The following ZC3H3 variants were observed in gnomAD, a reference collection of about 807,000 sequenced individuals.
The protein encoded by ZC3H3 is zinc finger CCCH-type containing 3.
ZC3H3 carries 36 observed loss-of-function variants against 77.3 expected under a neutral mutation model. That is an observed-to-expected ratio of 0.47 (90% CI 0.36 to 0.61). The LOEUF (loss-of-function observed/expected upper bound fraction) is 0.61. Among genes scored for constraint, ZC3H3 ranks in the 20% least tolerant of loss-of-function variants. The pLI, the probability that ZC3H3 is intolerant of heterozygous loss-of-function variation, is 0.00. For missense variants in ZC3H3, 1,331 were observed against 1,312.2 expected (o/e 1.01, Z -0.22); for synonymous variants, 626 against 555.2 (o/e 1.13, Z -1.79).
At chr8:143,497,838 G>T (rs1275736806) in intron 4 of ZC3H3, among the ~76,000 whole-genome samples, 2 of 152,214 alleles carry the variant, frequency 1.3e-5, no homozygotes, top group African/African-American at 4.8e-5. Context: ...GCCTGGCCAG[G>T]TCTCTGCACT....
intron 8 of ZC3H3, among the ~76,000 whole-genome samples, 174 bp from the exon 9 acceptor site, chr8:143,466,022 G>A (rs1223412855): frequency 6.6e-6 from 1 of 152,176 alleles, no homozygotes; most frequent in Non-Finnish European, 1.5e-5. Flanking sequence ...GCTCAGAAGT[G>A]GGCCCCAGCC....
In ZC3H3 at chr8:143,538,261, T is replaced by C; in HGVS notation, c.1106A>G (p.Lys369Arg). ...GTACTTGCTGGGGGCAGACCCTGGC[T>C]TGGAGGACGTGGCTGGCTTCCTGGG... Reference protein sequence around the residue: ...PKPRKPATSSKPGSAPSKYKW... With the variant: ...PKPRKPATSSRPGSAPSKYKW... Residue 369 changes from lysine (K) to arginine (R), a missense_variant, in exon 2 of 12, where the codon AAG (lysine) becomes AGG (arginine). By Grantham distance (26) the Lys-to-Arg change is conservative. Coordinates refer to ENST00000262577, the MANE Select transcript of ZC3H3 (RefSeq NM_015117.3). The C allele has an allele frequency of 6.2e-7, 1 of 1,612,982 alleles. No individual in the cohort carries two copies. Among genetic ancestry groups the C allele is most frequent in the Non-Finnish European group, 8.5e-7 (1 of 1,180,016 alleles).
Position 143,460,833 on chromosome 8 carries a change from G to A in ZC3H3, c.2307+4884C>T, listed in dbSNP as rs1457139417. 1.3e-5 allele frequency among the ~76,000 whole-genome samples: 2 copies of A among 152,182 alleles called. No individual in the cohort carries two copies. The highest frequency in any genetic ancestry group is 4.8e-5 in the African/African-American group (2 of 41,444). On this transcript the variant is annotated intron_variant, in intron 9 of 11. Transcript: ENST00000262577. This position sits in a 1 kb window ranked among gnomAD's most constrained non-coding sequence, Gnocchi z 4.0. ...ACTGACGGGACACAGCTAGACCCTG[G>A]AAACATTACGCTGCGTGAAAGACGC...
At chr8:143,441,587 G>A (rs190968010) in intron 9 of ZC3H3, among the ~76,000 whole-genome samples, 46 of 152,308 alleles carry the variant, frequency 3.0e-4, no homozygotes, top group African/African-American at 1.0e-3. Flanking sequence ...GGTCAGGGCT[G>A]GGCTGGGCTG....
chr8:143,496,117 A>T (rs1821344195), intron 4 of ZC3H3, among the ~76,000 whole-genome samples: 1 of 152,168 alleles, frequency 6.6e-6, no homozygotes, highest in Non-Finnish European at 1.5e-5. Flanking sequence ...GCTGGAGAAG[A>T]GTCAGGAACA....
At chr8:143,455,071 T>A (rs187620239) in intron 9 of ZC3H3, among the ~76,000 whole-genome samples, 1 of 150,838 alleles carries the variant, frequency 6.6e-6, no homozygotes, top group East Asian at 1.9e-4. Context: ...ATCCCTGCAC[T>A]TTGGGAGGCC....
intron 4 of ZC3H3, among the ~76,000 whole-genome samples, chr8:143,505,487 G>A (rs1821661757): frequency 6.6e-6 from 1 of 152,104 alleles, no homozygotes; most frequent in Admixed American, 6.5e-5. Context: ...CCCTGGGCGA[G>A]GCAGGCCCAG....
chr8:143,456,201 G>C (rs1419674503), intron 9 of ZC3H3, among the ~76,000 whole-genome samples: 1 of 151,786 alleles, frequency 6.6e-6, no homozygotes, highest in Non-Finnish European at 1.5e-5. Context: ...ATTCTAAAAA[G>C]TGTTCAAGTA....
intron 3 of ZC3H3, among the ~76,000 whole-genome samples, chr8:143,514,298 C>T (rs919456446): frequency 1.3e-5 from 2 of 152,124 alleles, no homozygotes. Flanking sequence ...GGCCGTGTGT[C>T]CCCACCACTC....
chr8:143,462,436 C>T lies in ZC3H3; in HGVS notation c.2307+3281G>A, dbSNP rs1460162914. Among the ~76,000 whole-genome samples, 1 of 152,230 alleles carries T rather than the reference C, an allele frequency of 6.6e-6. No individual in the cohort carries two copies. Among genetic ancestry groups the T allele is most frequent in the East Asian group, 1.9e-4 (1 of 5,198 alleles). ...ATAAAGGACGAAGGATTCGGCCTAACAAAGGGCAGCACTGGCGAAAGCAAG... is the reference window on the plus strand; with the variant it reads ...ATAAAGGACGAAGGATTCGGCCTAATAAAGGGCAGCACTGGCGAAAGCAAG... On this transcript the variant is annotated intron_variant, in intron 9 of 11. Transcript: ENST00000262577. This position sits in a 1 kb window ranked among gnomAD's most constrained non-coding sequence, Gnocchi z 4.7.
rs1822864855 is a variant in ZC3H3, at chr8:143,538,140, T to G, written c.1227A>C (p.Pro409=). 6.2e-7 allele frequency: 1 copy of G among 1,612,936 alleles called. No homozygotes were observed. The highest frequency in any genetic ancestry group is 8.5e-7 in the Non-Finnish European group (1 of 1,180,004). The change falls in exon 2 of 12, where the codon CCA becomes CCC. Residue 409 remains proline, a synonymous_variant. Coordinates refer to ENST00000262577, the MANE Select transcript of ZC3H3 (RefSeq NM_015117.3). ...CCCCCGACGGGGACCTAGACAGGAC[T>G]GGGGAGAGCTGGGAGGCATGGTCCT... The part of the protein sequence containing the change: ...SSKDHASQLS[P]VLSRSPSGDR...
At chr8:143,527,074 C>T (rs1047840311) in intron 3 of ZC3H3, among the ~76,000 whole-genome samples, 73 of 152,302 alleles carry the variant, frequency 4.8e-4, no homozygotes, top group South Asian at 2.1e-4. Flanking sequence ...GCCGTGCCCA[C>T]CCGCCACCCG....
At chr8:143,444,929 C>T (rs1373758862) in intron 9 of ZC3H3, among the ~76,000 whole-genome samples, 1 of 152,068 alleles carries the variant, frequency 6.6e-6, no homozygotes, top group African/African-American at 2.4e-5. Context: ...CAGAAAAATG[C>T]AAGAGAATTT....
At chr8:143,469,982 G>T (rs2129882797) in intron 5 of ZC3H3, among the ~76,000 whole-genome samples, 1 of 152,316 alleles carries the variant, frequency 6.6e-6, no homozygotes, top group African/African-American at 2.4e-5. Context: ...ATGTCCCAAA[G>T]CCGCCCAGCC....
intron 1 of ZC3H3, 99 bp downstream of exon 1, chr8:143,541,277 C>CA (rs1190048858): frequency 6.3e-7 from 1 of 1,577,430 alleles, no homozygotes; most frequent in Non-Finnish European, 8.6e-7. Context: ...ACCCAGAACA[C>CA]GCGGGCGGTG....
chr8:143,481,838 G>A (rs559869958), intron 4 of ZC3H3, among the ~76,000 whole-genome samples: 4 of 152,320 alleles, frequency 2.6e-5, no homozygotes, highest in Admixed American at 1.3e-4. Context: ...GCCTCCACTC[G>A]GACCCCCTGC....
intron 1 of ZC3H3, 119 bp downstream of exon 1, chr8:143,541,257 C>A: frequency 6.5e-7 from 1 of 1,545,026 alleles, no homozygotes; most frequent in East Asian, 2.4e-5. Flanking sequence ...CGTCCCCCAC[C>A]CCAGCCGCCA....
At chr8:143,501,741 G>A (rs563935144) in intron 4 of ZC3H3, among the ~76,000 whole-genome samples, 9 of 151,762 alleles carry the variant, frequency 5.9e-5, no homozygotes, top group African/African-American at 9.7e-5. Context: ...CTGGTGTGAC[G>A]TTGGGATCCC....
chr8:143,539,160 C>T lies in ZC3H3; in HGVS notation c.207G>A (p.Ser69=), dbSNP rs376535248. Residue 69 remains serine, a synonymous_variant, in exon 2 of 12, where the codon TCG becomes TCA. Transcript: ENST00000262577. ...TCACGAGGGAGTATTTCTTGCGCCA[C>T]GAAGGCCCATGGTGGGAAGAGTAGC... ...RRGYSSHHGP[S]WRKKYSLVNR... The T allele has an allele frequency of 3.2e-5, 52 of 1,612,832 alleles. No individual in the cohort carries two copies. Among genetic ancestry groups the T allele is most frequent in the East Asian group, 4.5e-5 (2 of 44,888 alleles).
Sources: allele counts gnomAD v4.1 joint callset (sites outside exome capture counted in the v4.1 genomes callset), GRCh38; gene constraint gnomAD v4.1.1; non-coding constraint Gnocchi (gnomAD v3.1); transcripts MANE v1.5; gene names NCBI Gene and HGNC (gene_info 2026-07-23, HGNC 2026-07-21).